The following MIDEAS variants were observed in gnomAD, a reference collection of about 807,000 sequenced individuals.
MIDEAS encodes mitotic deacetylase-associated SANT domain protein.
MIDEAS carries 26 observed loss-of-function variants against 102.7 expected under a neutral mutation model. That is an observed-to-expected ratio of 0.25 (90% CI 0.19 to 0.35). The LOEUF (loss-of-function observed/expected upper bound fraction) is 0.35. MIDEAS is among the 10% of genes least tolerant of loss of function. The pLI is 1.00. For missense variants in MIDEAS, 1,231 were observed against 1,435.6 expected, an observed-to-expected ratio of 0.86 and a Z score of 2.30; for synonymous variants, 585 against 591.0, an observed-to-expected ratio of 0.99 and a Z score of 0.15.
chr14:73,719,469 C>G lies in MIDEAS; in HGVS notation c.2970G>C (p.Glu990Asp). Residue 990 changes from glutamate to aspartate, a missense_variant, in exon 12 of 13, where the codon GAG (glutamate) becomes GAC (aspartate). This residue lies in a region of MIDEAS where 391 missense variants were observed against 483.0 expected (regional missense o/e 0.81). Coordinates refer to ENST00000423556, the MANE Select transcript of MIDEAS (RefSeq NM_001367710.1). The stretch of plus-strand genomic sequence containing the variant: ...CACCGGCAGACCCAGGGGCGTTGGA[C>G]TCGTGGCTCCGGAGGATGAGGATGT... ...ASDILILRSHESNAPGSAGGQ... is the reference protein window; with the variant it reads ...ASDILILRSHDSNAPGSAGGQ... 1 of 1,613,956 alleles carries G rather than the reference C, an allele frequency of 6.2e-7. No individual in the cohort carries two copies. Among genetic ancestry groups the G allele is most frequent in the Non-Finnish European group, 8.5e-7 (1 of 1,179,990 alleles).
At chr14:73,738,334 C>G (rs1398256689) in intron 2 of MIDEAS, among the ~76,000 whole-genome samples, 1 of 152,140 alleles carries the variant, frequency 6.6e-6, no homozygotes, top group Non-Finnish European at 1.5e-5. Flanking sequence ...TGATCTGTAT[C>G]TATCTGTATC....
rs1335816080 is a variant in MIDEAS, at chr14:73,726,060, G to A, written c.2458C>T (p.His820Tyr). 2 of 1,599,394 alleles carry A rather than the reference G, an allele frequency of 1.3e-6. No homozygotes were observed. The highest frequency in any genetic ancestry group is 2.2e-5 in the East Asian group (1 of 44,450). ...GTGTAGTGATAAGTTGCCAGCGGAT[G>A]GTTGTGGGGCCGCAGGGGCTTCTTC... ...LLKKPLRPHN[H>Y]PLATYHYTGS... Residue 820 changes from histidine to tyrosine, a missense_variant, in exon 8 of 13, where the codon CAT becomes TAT. His to Tyr is a moderately conservative substitution (Grantham distance 83). Coordinates refer to ENST00000423556, the MANE Select transcript of MIDEAS (RefSeq NM_001367710.1).
intron 5 of MIDEAS, chr14:73,727,247 A>C: frequency 1.6e-6 from 1 of 641,914 alleles, no homozygotes; most frequent in Non-Finnish European, 2.7e-6. Context: ...AGATAAGTTC[A>C]AGCTGAGCCG....
At position 73,725,475 on chromosome 14, in the gene MIDEAS, A is replaced by G. The variant is rs1288347640; in HGVS notation, c.2486-115T>C. On this transcript the variant is annotated intron_variant, in intron 8 of 12. Coordinates refer to ENST00000423556, the MANE Select transcript of MIDEAS (RefSeq NM_001367710.1). The surrounding 1 kb of genome is among the most constrained non-coding windows in gnomAD (Gnocchi z 4.1). The stretch of plus-strand genomic sequence containing the variant: ...TCCGCCCATGGTTTCTGCAGGCATC[A>G]GAGCCGGCTCCTCGTCCCACTTCCA... 2.5e-6 allele frequency: 2 copies of G among 785,236 alleles called. No homozygotes were observed. The highest frequency in any genetic ancestry group is 2.1e-5 in the Admixed American group (1 of 47,824). The allele number at this position is 785,236 out of a possible 1,614,324, so 48.6% of individuals were successfully genotyped here.
Position 73,774,843 on chromosome 14 carries a change from C to G in MIDEAS, c.-248+12259G>C, listed in dbSNP as rs546989978. Among the ~76,000 whole-genome samples the G allele has an allele frequency of 1.8e-4, 27 of 152,182 alleles. 4 individuals carry two copies. In the Middle Eastern group the frequency reaches 0.045, roughly 251 times the overall value. Reference sequence around the variant, plus strand: ...ACCAGACATAGGCCAGGTCCTGGGCCTGCCCGATGCTCCCTCACAGCCCCT... The same window carrying G: ...ACCAGACATAGGCCAGGTCCTGGGCGTGCCCGATGCTCCCTCACAGCCCCT... On this transcript the variant is annotated intron_variant, in intron 1 of 11. Coordinates refer to the MIDEAS transcript ENST00000394071.
rs1313853366 is a variant in MIDEAS, at chr14:73,739,374, A to G, written c.635T>C (p.Leu212Pro). Residue 212 changes from leucine (L) to proline (P), a missense_variant, in exon 2 of 13, where the codon CTG (leucine) becomes CCG (proline). Physicochemically the swap from Leu to Pro is moderately conservative, Grantham distance 98. This residue lies in a region of MIDEAS where 758 missense variants were observed against 856.0 expected (regional missense o/e 0.89). Transcript: ENST00000423556. The stretch of plus-strand genomic sequence containing the variant: ...TGCCAGCTGGAAGGGTTGCAGGGGC[A>G]GTGACTGGTTTGGGGGTTTCTTGGC... ...HAAKKPPNQS[L>P]PLQPFQLAFG... 7 of 1,591,356 alleles carry G rather than the reference A, an allele frequency of 4.4e-6. No individual in the cohort carries two copies. The highest frequency in any genetic ancestry group is 6.0e-6 in the Non-Finnish European group (7 of 1,167,076).
chr14:73,739,244 CTGT>C lies in MIDEAS; in HGVS notation c.762_764del (p.Gln262del), dbSNP rs748885753. The C allele has an allele frequency of 4.3e-6, 7 of 1,611,580 alleles. No homozygotes were observed. Among genetic ancestry groups the C allele is most frequent in the African/African-American group, 2.7e-5 (2 of 74,962 alleles). On this transcript the variant is annotated inframe_deletion, in exon 2 of 13. Coordinates refer to ENST00000423556, the MANE Select transcript of MIDEAS (RefSeq NM_001367710.1). ...CTGCCTGCTGCTGCTGCTGCTGCTG[CTGT>C]GGTTGCTGCTGCTGCTGCTGCTTCT...
At chr14:73,763,334 T>A (rs1364897663), upstream of MIDEAS, among the ~76,000 whole-genome samples, 2 of 152,130 alleles carry the variant, frequency 1.3e-5, no homozygotes. Flanking sequence ...TGAGACGTTG[T>A]CTCAAGAAAA....
At chr14:73,757,792 T>C (rs1595286588) in intron 1 of MIDEAS, among the ~76,000 whole-genome samples, 1 of 152,202 alleles carries the variant, frequency 6.6e-6, no homozygotes, top group Admixed American at 6.5e-5. Context: ...CACAACTGCA[T>C]GTTGTCTTTT....
chr14:73,726,692 G>C lies in MIDEAS; in HGVS notation c.2321C>G (p.Thr774Arg). The C allele has an allele frequency of 6.2e-7, 1 of 1,614,228 alleles. No homozygotes were observed. Among genetic ancestry groups the C allele is most frequent in the Non-Finnish European group, 8.5e-7 (1 of 1,180,034 alleles). ...EKQRQVEDLL[T>R]AACSSIFPGA... ...AGGGAAAATGCTGGAGCAGGCGGCT[G>C]TCAGCAGGTCTTCCACTGGATCCAC... The change falls in exon 7 of 13, where the codon ACA becomes AGA. Residue 774 changes from threonine to arginine, a missense_variant. Transcript: ENST00000423556.
In MIDEAS at chr14:73,737,263, A is replaced by G. The variant is rs2053214432; in HGVS notation, c.1484T>C (p.Val495Ala). The change falls in exon 3 of 13, where the codon GTA (valine) becomes GCA (alanine). Residue 495 changes from valine to alanine, a missense_variant. By Grantham distance (64) the Val-to-Ala change is moderately conservative (BLOSUM62 0). Around this residue, in one of 5 missense-constraint regions of MIDEAS, gnomAD observed 758 missense variants for 856.0 expected, o/e 0.89. Coordinates refer to ENST00000423556, the MANE Select transcript of MIDEAS (RefSeq NM_001367710.1). ...CCCACACTTGGTAGTTGAGGCCAAT[A>G]CACTTTTCCGCTTCTCTTCAGAACC... ...GSGSEEKRKS[V>A]LASTTKCGVE... 1 of 1,612,930 alleles carries G rather than the reference A, an allele frequency of 6.2e-7. No homozygotes were observed. The highest frequency in any genetic ancestry group is 1.6e-4 in the Middle Eastern group (1 of 6,062).
At chr14:73,776,733 C>A (rs948703436) in intron 1 of MIDEAS, among the ~76,000 whole-genome samples, 23 of 152,018 alleles carry the variant, frequency 1.5e-4, no homozygotes, top group Admixed American at 5.9e-4. Flanking sequence ...TGAGAGGAGG[C>A]AGAGTTCCAC....
Position 73,719,434 on chromosome 14 carries a change from G to A in MIDEAS, c.3005C>T (p.Ser1002Leu), listed in dbSNP as rs1033945054. 2.5e-6 allele frequency: 4 copies of A among 1,614,026 alleles called. No individual in the cohort carries two copies. In the East Asian group the frequency reaches 6.7e-5, roughly 27 times the overall value. ...NAPGSAGGQA[S>L]EKPREGTGKS... ...CCCTGTCCCTTCCCTTGGCTTCTCC[G>A]AGGCCTGGCCACCGGCAGACCCAGG... Residue 1002 changes from serine to leucine, a missense_variant, in exon 12 of 13, where the codon TCG (serine) becomes TTG (leucine). This residue lies in a region of MIDEAS where 391 missense variants were observed against 483.0 expected (regional missense o/e 0.81). Transcript: ENST00000423556.
At chr14:73,771,306 T>G (rs1373644754) in intron 1 of MIDEAS, among the ~76,000 whole-genome samples, 1 of 152,090 alleles carries the variant, frequency 6.6e-6, no homozygotes, top group African/African-American at 2.4e-5. Context: ...GGTCTGGGCC[T>G]CCCTCCACAC....
chr14:73,754,383 CAAAT>C (rs369975266), intron 1 of MIDEAS, among the ~76,000 whole-genome samples: 6 of 152,332 alleles, frequency 3.9e-5, no homozygotes, highest in African/African-American at 1.4e-4. Flanking sequence ...CACATGCAAA[CAAAT>C]AAATAACTAT....
At chr14:73,727,337 G>A in intron 5 of MIDEAS, 121 bp downstream of exon 5, 3 of 1,025,706 alleles carry the variant, frequency 2.9e-6, no homozygotes, top group South Asian at 1.3e-5. Flanking sequence ...GAAGCTCAAG[G>A]AGGCCCTCTC....
intron 1 of MIDEAS, among the ~76,000 whole-genome samples, chr14:73,756,946 T>C (rs147237964): frequency 1.5e-3 from 235 of 152,222 alleles, no homozygotes; most frequent in African/African-American, 5.3e-3. Context: ...ACACATTTTT[T>C]TTGATGGAGA....
intron 1 of MIDEAS, among the ~76,000 whole-genome samples, chr14:73,756,302 G>GCGCGCA (rs1555344818): frequency 9.6e-6 from 1 of 104,500 alleles, no homozygotes; most frequent in Non-Finnish European, 2.4e-5. Context: ...GTGTGCGCGC[G>GCGCGCA]CGCGTGCGCG....
intron 2 of MIDEAS, 144 bp from the exon 3 acceptor site, chr14:73,737,441 T>C (rs946291486): frequency 5.4e-5 from 48 of 895,016 alleles, no homozygotes; most frequent in Admixed American, 8.1e-5. Context: ...CTGGGCAACA[T>C]AGTGACACCT....
Sources: gnomAD v4.1 joint callset for allele counts (sites outside exome capture counted in the v4.1 genomes callset) on GRCh38, gnomAD v4.1.1 for gene constraint, gnomAD v4.1.1 regional missense constraint, Gnocchi (gnomAD v3.1) non-coding constraint, MANE v1.5 for transcripts, NCBI Gene and HGNC (gene_info 2026-07-23, HGNC 2026-07-21) for gene names.